SKIL: variants seen among roughly 807,000 people sequenced by gnomAD.
SKIL encodes ski-like protein.
SKIL carries 20 observed loss-of-function variants against 69.6 expected under a neutral mutation model. The observed-to-expected ratio is 0.29, with a 90% CI of 0.20 to 0.42. SKIL has a LOEUF of 0.42. Among genes scored for constraint, SKIL ranks in the 10% least tolerant of loss-of-function variants. The pLI is 1.00. For synonymous variants in SKIL, 310 were observed against 279.9 expected (o/e 1.11, Z -1.08); for missense variants, 745 against 783.1 (o/e 0.95, Z 0.58).
intron 6 of SKIL, 35 bp downstream of exon 6, chr3:170,391,295 A>G: frequency 8.2e-7 from 1 of 1,216,412 alleles, no homozygotes; most frequent in Non-Finnish European, 1.2e-6. Context: ...GTGCCCTTTC[A>G]GCATGGAAAT....
intron 1 of SKIL, among the ~76,000 whole-genome samples, chr3:170,359,143 T>A (rs1736089036): frequency 6.6e-6 from 1 of 152,214 alleles, no homozygotes; most frequent in Non-Finnish European, 1.5e-5. Flanking sequence ...AGTCTTCATA[T>A]TCTGAACTCG....
intron 2 of SKIL, among the ~76,000 whole-genome samples, chr3:170,367,376 C>T (rs892751556): frequency 2.0e-5 from 3 of 152,012 alleles, no homozygotes; most frequent in African/African-American, 4.8e-5. Context: ...GGATTACAGG[C>T]GTGAGCCACT....
intron 2 of SKIL, among the ~76,000 whole-genome samples, chr3:170,364,647 A>AT (rs1228740382): frequency 1.3e-5 from 2 of 152,108 alleles, no homozygotes; most frequent in African/African-American, 4.8e-5. Context: ...TTAGTCTGAC[A>AT]TAAGTGTATT....
At chr3:170,379,055 T>G (rs1737196138) in intron 2 of SKIL, among the ~76,000 whole-genome samples, 1 of 151,368 alleles carries the variant, frequency 6.6e-6, no homozygotes, top group Non-Finnish European at 1.5e-5. Context: ...TTTTGTATTT[T>G]TAGTAGAGAC....
intron 6 of SKIL, 91 bp downstream of exon 6, chr3:170,391,351 T>C: frequency 1.4e-6 from 1 of 731,810 alleles, no homozygotes; most frequent in Non-Finnish European, 2.2e-6. Flanking sequence ...CAGAGACTGC[T>C]CTGTCGCCCA....
At chr3:170,362,071 A>T (rs780930250) in intron 2 of SKIL, among the ~76,000 whole-genome samples, 1 of 152,216 alleles carries the variant, frequency 6.6e-6, no homozygotes, top group African/African-American at 2.4e-5. Flanking sequence ...TGATGTTTCT[A>T]TGTTTGGATA....
At chr3:170,385,017 G>A (rs1183288260) in intron 4 of SKIL, 7 of 269,880 alleles carry the variant, frequency 2.6e-5, no homozygotes, top group East Asian at 2.2e-4. Context: ...ATTTTTGTCC[G>A]AATTTTTTTC....
At chr3:170,366,718 CTT>C (rs1736548042) in intron 2 of SKIL, among the ~76,000 whole-genome samples, 4 of 151,752 alleles carry the variant, frequency 2.6e-5, no homozygotes, top group Admixed American at 1.3e-4. Context: ...CACACACATA[CTT>C]GATTTTAGAT....
chr3:170,365,414 G>T (rs1354529112), intron 2 of SKIL, among the ~76,000 whole-genome samples: 3 of 152,092 alleles, frequency 2.0e-5, no homozygotes, highest in African/African-American at 4.8e-5. Flanking sequence ...TGCTGACATG[G>T]CACTCACAGG....
intron 4 of SKIL, among the ~76,000 whole-genome samples, chr3:170,388,645 G>A (rs1376602532): frequency 6.6e-6 from 1 of 151,866 alleles, no homozygotes; most frequent in Non-Finnish European, 1.5e-5. Context: ...GTTGAGGCTG[G>A]TCTCAAACTC....
At chr3:170,389,931 A>G (rs1379371732) in intron 4 of SKIL, among the ~76,000 whole-genome samples, 1 of 152,178 alleles carries the variant, frequency 6.6e-6, no homozygotes, top group Non-Finnish European at 1.5e-5. Context: ...TTTGATAGGG[A>G]TTGCACTGAT....
Position 170,391,122 on chromosome 3 carries a change from G to C in SKIL, c.1758G>C (p.Gln586His). ...QNLQKELESL[Q>H]NEHAQRMEEF... is the part of the protein sequence containing the mutation. ...TACAGAAAGAGCTTGAATCTTTGCA[G>C]AATGAACATGCTCAAAGAATGGAAG... is the stretch of plus-strand genomic sequence containing the variant. Residue 586 changes from glutamine (Q) to histidine (H), a missense_variant, in exon 6 of 7, where the codon CAG becomes CAC. By Grantham distance (24) the Gln-to-His change is conservative. Coordinates refer to ENST00000259119, the MANE Select transcript of SKIL (RefSeq NM_005414.5). 6.2e-7 allele frequency: 1 copy of C among 1,608,598 alleles called. No individual in the cohort carries two copies. Among genetic ancestry groups the C allele is most frequent in the Non-Finnish European group, 8.5e-7 (1 of 1,175,028 alleles).
chr3:170,370,439 G>GAGA lies in SKIL; in HGVS notation c.1098+9010_1098+9011insAGA, dbSNP rs1553852883. On this transcript the variant is annotated intron_variant, in intron 2 of 6. Coordinates refer to ENST00000259119, the MANE Select transcript of SKIL (RefSeq NM_005414.5). ...ATATATACAGAGAGAGAGAGAGAGAGCCCCCCCCCCCCCCCCGAGCAGGAG... is the reference window on the plus strand; with the variant it reads ...ATATATACAGAGAGAGAGAGAGAGAGAGACCCCCCCCCCCCCCCCGAGCAGGAG... 1.1e-3 allele frequency among the ~76,000 whole-genome samples: 12 copies of GAGA among 11,194 alleles called. 1 individual carries two copies. The highest frequency in any genetic ancestry group is 3.0e-3 in the Admixed American group (2 of 664). The allele number at this position is 11,194 out of a possible 152,430, so 7.3% of individuals were successfully genotyped here.
chr3:170,391,794 C>T (rs1354968980), intron 6 of SKIL, among the ~76,000 whole-genome samples: 2 of 151,572 alleles, frequency 1.3e-5, no homozygotes, highest in Admixed American at 1.3e-4. Flanking sequence ...AGTTTAGTTA[C>T]CTAAATTGCT....
intron 4 of SKIL, among the ~76,000 whole-genome samples, chr3:170,386,642 AT>A (rs148721447): frequency 7.3e-5 from 11 of 149,824 alleles, no homozygotes; most frequent in Non-Finnish European, 1.2e-4. Flanking sequence ...TCATTTTTTC[AT>A]TTTTTTTGTA....
chr3:170,361,449 T>G lies in SKIL; in HGVS notation c.1098+20T>G. 2 of 1,509,150 alleles carry G rather than the reference T, an allele frequency of 1.3e-6. No homozygotes were observed. The highest frequency in any genetic ancestry group is 1.8e-6 in the Non-Finnish European group (2 of 1,122,906). 93.5% of individuals were successfully genotyped at this position (1,509,150 alleles called of 1,614,324 possible). On this transcript the variant is annotated intron_variant, in intron 2 of 6. Coordinates refer to ENST00000259119, the MANE Select transcript of SKIL (RefSeq NM_005414.5). ...TCCAAGGCAAGTTTTTTATATCAAT[T>G]TTTAATAATGGTAATGGTTTACTTT... is the stretch of plus-strand genomic sequence containing the variant.
chr3:170,362,732 T>A (rs920056029), intron 2 of SKIL, among the ~76,000 whole-genome samples: 2 of 151,616 alleles, frequency 1.3e-5, no homozygotes, highest in African/African-American at 2.4e-5. Context: ...GGAGAATCGC[T>A]TGAACCTGGG....
chr3:170,360,388 T>C lies in SKIL; in HGVS notation c.57T>C (p.Asn19=). ...TTCAGGGCTCAACTAAAAAACTGAA[T>C]GGGATGGGAGATGATGGCAGCCCCC... ...SLVQGSTKKL[N]GMGDDGSPPA... The change falls in exon 2 of 7, where the codon AAT becomes AAC. Residue 19 remains asparagine (N), a synonymous_variant. Transcript: ENST00000259119. The C allele has an allele frequency of 1.9e-6, 3 of 1,603,806 alleles. No individual in the cohort carries two copies. The highest frequency in any genetic ancestry group is 1.7e-6 in the Non-Finnish European group (2 of 1,175,420).
chr3:170,358,746 C>T (rs921898293), intron 1 of SKIL: 1 of 152,134 alleles, frequency 6.6e-6, no homozygotes, highest in African/African-American at 2.4e-5. Flanking sequence ...TTCTTTTTCC[C>T]TCTTCCTCCA....
Sources: gnomAD v4.1 joint callset for allele counts (sites outside exome capture counted in the v4.1 genomes callset) on GRCh38, gnomAD v4.1.1 for gene constraint, MANE v1.5 for transcripts, NCBI Gene and HGNC (gene_info 2026-07-23, HGNC 2026-07-21) for gene names.